NCAM2: variants seen among roughly 807,000 people sequenced by gnomAD.
NCAM2 encodes the protein neural cell adhesion molecule 2.
A neutral mutation model predicts 98.1 loss-of-function variants in NCAM2; 30 were observed. The observed-to-expected ratio is 0.31, with a 90% confidence interval of 0.23 to 0.41. The LOEUF (loss-of-function observed/expected upper bound fraction) is 0.41, where lower values mean the gene tolerates loss of function less well. Among genes scored for constraint, NCAM2 ranks in the 10% least tolerant of loss-of-function variants. The pLI, the probability that NCAM2 is intolerant of heterozygous loss-of-function variation, is 1.00. For missense variants in NCAM2, 867 were observed against 1,005.8 expected, an observed-to-expected ratio of 0.86 and a Z score of 1.87; for synonymous variants, 368 against 342.4, an observed-to-expected ratio of 1.07 and a Z score of -0.83.
chr21:21,137,419 A>G (rs890916135), intron 1 of NCAM2, among the ~76,000 whole-genome samples: 8 of 152,236 alleles, frequency 5.3e-5, no homozygotes, highest in African/African-American at 1.9e-4. Flanking sequence ...AGTATTCTAA[A>G]TCAGGTGAGA....
Position 21,122,002 on chromosome 21 carries a change from G to A in NCAM2, c.55+123384G>A, listed in dbSNP as rs563411365. Among the ~76,000 whole-genome samples, 11 of 152,334 alleles carry A rather than the reference G, an allele frequency of 7.2e-5. No homozygotes were observed. In the East Asian group the frequency reaches 2.1e-3, roughly 29 times the overall value. ...GTTAAATGTGACAGTATGAGCTTCC[G>A]AATGAGCAGTGCATTCTGATGAGGA... On this transcript the variant is annotated intron_variant, in intron 1 of 17. Coordinates refer to ENST00000400546, the MANE Select transcript of NCAM2 (RefSeq NM_004540.5).
chr21:21,160,042 C>T (rs993245552), intron 1 of NCAM2, among the ~76,000 whole-genome samples: 3 of 152,010 alleles, frequency 2.0e-5, no homozygotes, highest in Non-Finnish European at 4.4e-5. Flanking sequence ...AAATATTTTG[C>T]GCCTTGGTAG....
intron 1 of NCAM2, among the ~76,000 whole-genome samples, chr21:21,089,034 G>A (rs2065961167): frequency 6.6e-6 from 1 of 151,146 alleles, no homozygotes; most frequent in African/African-American, 2.4e-5. Context: ...AGGGATCATA[G>A]GTTTACAATT....
At chr21:21,098,103 A>G (rs1419201031) in intron 1 of NCAM2, among the ~76,000 whole-genome samples, 1 of 150,086 alleles carries the variant, frequency 6.7e-6, no homozygotes, top group African/African-American at 2.4e-5. Flanking sequence ...CTACACATAT[A>G]TATGGAATTT....
intron 8 of NCAM2, among the ~76,000 whole-genome samples, chr21:21,341,346 C>G (rs1159031791): frequency 1.3e-5 from 2 of 151,960 alleles, no homozygotes; most frequent in African/African-American, 2.4e-5. Flanking sequence ...CATAGGAATG[C>G]ATATTAAATA....
At chr21:21,025,972 G>C (rs1209211902) in intron 1 of NCAM2, among the ~76,000 whole-genome samples, 3 of 152,190 alleles carry the variant, frequency 2.0e-5, no homozygotes, top group Admixed American at 2.0e-4. Flanking sequence ...ATTTTTAATT[G>C]AATTGTGAAT....
chr21:21,109,624 T>G (rs8130891), intron 1 of NCAM2, among the ~76,000 whole-genome samples: 8,506 of 152,278 alleles, frequency 0.056, 284 homozygotes, highest in East Asian at 0.17. Context: ...TTTCATTTTT[T>G]ACATTGCTGT....
At chr21:21,127,498 A>G (rs536197163) in intron 1 of NCAM2, among the ~76,000 whole-genome samples, 1 of 152,190 alleles carries the variant, frequency 6.6e-6, no homozygotes, top group Non-Finnish European at 1.5e-5. Context: ...TTTGAAATCT[A>G]CTATAATTTC....
At chr21:21,358,870 T>C (rs2075567414) in intron 8 of NCAM2, among the ~76,000 whole-genome samples, 1 of 152,050 alleles carries the variant, frequency 6.6e-6, no homozygotes, top group African/African-American at 2.4e-5. Flanking sequence ...TTCATATAAA[T>C]TTGATATTTA....
chr21:21,044,682 A>G (rs1225737637), intron 1 of NCAM2, among the ~76,000 whole-genome samples: 1 of 152,222 alleles, frequency 6.6e-6, no homozygotes, highest in Non-Finnish European at 1.5e-5. Flanking sequence ...CTGAAAGGAT[A>G]TGGCCAGATA....
chr21:21,005,808 C>G (rs993644807), intron 1 of NCAM2, among the ~76,000 whole-genome samples: 12 of 150,100 alleles, frequency 8.0e-5, no homozygotes, highest in African/African-American at 2.9e-4. Flanking sequence ...GAACGCCCCC[C>G]CCAAAAAAAA....
intron 1 of NCAM2, among the ~76,000 whole-genome samples, chr21:21,258,708 G>A (rs1192220865): frequency 1.3e-5 from 2 of 152,066 alleles, no homozygotes; most frequent in African/African-American, 2.4e-5. Context: ...GTTTGTGCAC[G>A]CATGGTGGGC....
chr21:21,009,795 A>G (rs2064173925), intron 1 of NCAM2, among the ~76,000 whole-genome samples: 1 of 151,546 alleles, frequency 6.6e-6, no homozygotes, highest in Non-Finnish European at 1.5e-5. Context: ...GTTTTATCTT[A>G]GTTTTTAAGA....
At chr21:21,116,841 C>A (rs1252316666) in intron 1 of NCAM2, among the ~76,000 whole-genome samples, 2 of 151,406 alleles carry the variant, frequency 1.3e-5, no homozygotes, top group African/African-American at 2.4e-5. Flanking sequence ...GGCGACAGAG[C>A]CAGACTCCGT....
At chr21:21,015,706 T>G (rs1041991636) in intron 1 of NCAM2, among the ~76,000 whole-genome samples, 1 of 152,088 alleles carries the variant, frequency 6.6e-6, no homozygotes, top group African/African-American at 2.4e-5. Flanking sequence ...TGTTTGTTTG[T>G]TTTTGGTTTT....
chr21:21,063,210 CTTTTTTTTTTT>C (rs11325446), intron 1 of NCAM2, among the ~76,000 whole-genome samples: 4 of 66,106 alleles, frequency 6.1e-5, no homozygotes, highest in South Asian at 1.5e-3. Flanking sequence ...TCTTTACATT[CTTTTTTTTTTT>C]TTTTTTTTTT....
chr21:21,414,284 A>G (rs1280116729), intron 10 of NCAM2, among the ~76,000 whole-genome samples: 1 of 152,096 alleles, frequency 6.6e-6, no homozygotes, highest in Non-Finnish European at 1.5e-5. Context: ...GTTGGAATCA[A>G]CTTCTTCCAA....
intron 9 of NCAM2, among the ~76,000 whole-genome samples, chr21:21,398,237 T>A (rs2076556734): frequency 6.6e-6 from 1 of 152,100 alleles, no homozygotes; most frequent in Non-Finnish European, 1.5e-5. Flanking sequence ...ATAAGAATGA[T>A]ACAATGGACT....
intron 1 of NCAM2, among the ~76,000 whole-genome samples, chr21:21,120,754 C>G (rs1293487124): frequency 6.9e-6 from 1 of 144,254 alleles, no homozygotes; most frequent in African/African-American, 2.6e-5. Context: ...GAGTCTCTCT[C>G]TGTCACCAGG....
Sources: allele counts gnomAD v4.1 joint callset (sites outside exome capture counted in the v4.1 genomes callset), GRCh38; gene constraint gnomAD v4.1.1; transcripts MANE v1.5; gene names NCBI Gene and HGNC (gene_info 2026-07-23, HGNC 2026-07-21).